PCDH15: variants seen among roughly 807,000 people sequenced by gnomAD.
The protein encoded by PCDH15 is protocadherin related 15.
A neutral mutation model predicts 178.5 loss-of-function variants in PCDH15; 129 were observed. The ratio of observed to expected loss-of-function variants is 0.72; its 90% CI spans 0.63 to 0.84. The LOEUF (loss-of-function observed/expected upper bound fraction) is 0.84. PCDH15 is among the 40% of genes least tolerant of loss of function. The pLI, the probability that PCDH15 is intolerant of heterozygous loss-of-function variation, is 0.00. For synonymous variants in PCDH15, 800 were observed against 732.0 expected, an observed-to-expected ratio of 1.09 and a Z score of -1.50; for missense variants, 2,230 against 2,099.9, an observed-to-expected ratio of 1.06 and a Z score of -1.21.
intron 2 of PCDH15, chr10:54,606,873 C>T (rs2092762968): frequency 6.6e-6 from 1 of 152,104 alleles, no homozygotes; most frequent in African/African-American, 2.4e-5. Flanking sequence ...GAATTCCTAA[C>T]AGAAGGATGA....
chr10:55,387,858 C>T (rs1237972410), intron 2 of PCDH15, among the ~76,000 whole-genome samples: 1 of 151,740 alleles, frequency 6.6e-6, no homozygotes, highest in East Asian at 1.9e-4. Context: ...TTTTTTAATA[C>T]GGAGAGCTTT....
At chr10:54,329,552 T>C (rs749557631) in intron 7 of PCDH15, 44 bp downstream of exon 7, 1 of 1,421,612 alleles carries the variant, frequency 7.0e-7, no homozygotes, top group South Asian at 1.1e-5. Flanking sequence ...AGTTTTTTAC[T>C]TCATAAATTC....
rs966754984 is a variant in PCDH15, at chr10:53,804,780, A to G, written c.*1799T>C. ...AACCATTGCTTTGGTGCCTGAAGGA[A>G]TAAGCCCCGGACTTCATTGCTTCCA... On this transcript the variant is annotated 3_prime_UTR_variant, in exon 38 of 38. Coordinates refer to ENST00000644397, the MANE Select transcript of PCDH15 (RefSeq NM_001384140.1). 5 of 152,028 alleles carry G rather than the reference A, an allele frequency of 3.3e-5. No individual in the cohort carries two copies. The highest frequency in any genetic ancestry group is 5.9e-5 in the Non-Finnish European group (4 of 67,934). 9.4% of individuals were successfully genotyped at this position (152,028 alleles called of 1,614,324 possible). A position where few individuals can be genotyped will look rare whatever the true frequency, so the allele number is the denominator to read the frequency against.
chr10:54,512,359 TTGTGTGTGTGTG>T (rs200575121), intron 3 of PCDH15, among the ~76,000 whole-genome samples: 137 of 134,126 alleles, frequency 1.0e-3, no homozygotes, highest in South Asian at 1.8e-3. Context: ...ATTTCTGGCA[TTGTGTGTGTGTG>T]TGTGTGTGTG....
In PCDH15 at chr10:53,806,906, T is replaced by G. The variant is rs2132352976; in HGVS notation, c.4896A>C (p.Gly1632=). 1.2e-6 allele frequency: 2 copies of G among 1,613,820 alleles called. No homozygotes were observed. Among genetic ancestry groups the G allele is most frequent in the East Asian group, 4.5e-5 (2 of 44,872 alleles). ...NLKVASPVRL[G]GPFKKLDKLA... ...ACTTGTCTAGTTTCTTAAAGGGCCC[T>G]CCCAGTCGAACAGGGGAAGCAACTT... is the stretch of plus-strand genomic sequence containing the variant. The change falls in exon 38 of 38, where the codon GGA becomes GGC. Residue 1632 remains glycine (G), a synonymous_variant. Coordinates refer to ENST00000644397, the MANE Select transcript of PCDH15 (RefSeq NM_001384140.1).
chr10:53,982,856 G>A (rs1375894773), intron 21 of PCDH15, among the ~76,000 whole-genome samples: 1 of 151,624 alleles, frequency 6.6e-6, no homozygotes, highest in African/African-American at 2.4e-5. Context: ...AAATATAATG[G>A]ACTAAAATAA....
At chr10:55,293,631 T>C (rs958518644) in intron 1 of PCDH15, among the ~76,000 whole-genome samples, 8 of 152,280 alleles carry the variant, frequency 5.3e-5, no homozygotes, top group Admixed American at 3.3e-4. Context: ...CTCTCTCAGG[T>C]TCAAAGTTCC....
intron 3 of PCDH15, among the ~76,000 whole-genome samples, chr10:54,816,319 G>T (rs1591717765): frequency 6.6e-6 from 1 of 152,024 alleles, no homozygotes; most frequent in Admixed American, 6.6e-5. Context: ...CAGAAAATTG[G>T]TAATGGATAT....
chr10:54,349,646 T>G (rs1943863366), intron 5 of PCDH15, among the ~76,000 whole-genome samples: 1 of 151,616 alleles, frequency 6.6e-6, no homozygotes, highest in Non-Finnish European at 1.5e-5. Context: ...GTTTAATATG[T>G]AGTCCTTTAA....
At chr10:53,848,306 T>C (rs1031724055) in intron 28 of PCDH15, among the ~76,000 whole-genome samples, 6 of 151,886 alleles carry the variant, frequency 4.0e-5, no homozygotes, top group African/African-American at 1.4e-4. Flanking sequence ...ATGTCCACTA[T>C]GTATTTTAGA....
intron 1 of PCDH15, among the ~76,000 whole-genome samples, chr10:55,237,657 A>T (rs1338483856): frequency 6.6e-6 from 1 of 152,172 alleles, no homozygotes; most frequent in Non-Finnish European, 1.5e-5. Flanking sequence ...AACATCAAAC[A>T]GGAACTATTA....
intron 1 of PCDH15, among the ~76,000 whole-genome samples, chr10:55,210,049 G>A (rs1459010303): frequency 1.3e-5 from 2 of 151,782 alleles, no homozygotes; most frequent in Non-Finnish European, 2.9e-5. Context: ...AACCAGGAAA[G>A]CTATCATAGA....
intron 2 of PCDH15, among the ~76,000 whole-genome samples, chr10:54,639,861 A>G (rs2093951679): frequency 6.6e-6 from 1 of 152,176 alleles, no homozygotes; most frequent in Admixed American, 6.6e-5. Context: ...TTAACAAAAA[A>G]GACTAATGAA....
chr10:54,573,272 G>A (rs2090055018), intron 2 of PCDH15, among the ~76,000 whole-genome samples: 1 of 151,946 alleles, frequency 6.6e-6, no homozygotes, highest in African/African-American at 2.4e-5. Flanking sequence ...AATATGTCTT[G>A]TTTCTCCTTT....
Position 54,409,671 on chromosome 10 carries a change from T to C in PCDH15, c.158-30729A>G, listed in dbSNP as rs189408406. 2.6e-5 allele frequency among the ~76,000 whole-genome samples: 4 copies of C among 152,300 alleles called. No individual in the cohort carries two copies. In the East Asian group the frequency reaches 7.7e-4, roughly 29 times the overall value. On this transcript the variant is annotated intron_variant, in intron 3 of 37. Coordinates refer to ENST00000644397, the MANE Select transcript of PCDH15 (RefSeq NM_001384140.1). ...ATCTTCTCATCTGTTATGACTTGCA[T>C]GTACCCCCCAAATTTTGTGTATTGG...
intron 2 of PCDH15, among the ~76,000 whole-genome samples, chr10:54,907,121 A>G (rs757354980): frequency 3.2e-4 from 48 of 152,150 alleles, no homozygotes; most frequent in Non-Finnish European, 5.3e-4. Context: ...ATGAGTGTAT[A>G]TTGGTAGGTC....
In PCDH15 at chr10:53,807,144, C is replaced by A. The variant is rs1564507991; in HGVS notation, c.4672-14G>T. ...TTTTCTTGCCCACTGATAAAATAAA[C>A]AAAAATATGTGAGTCACTATCAAAT... On this transcript the variant is annotated splice_polypyrimidine_tract_variant and intron_variant, in intron 37 of 37. Transcript: ENST00000644397. The A allele has an allele frequency of 1.3e-6, 2 of 1,560,766 alleles. No individual in the cohort carries two copies. The highest frequency in any genetic ancestry group is 8.7e-7 in the Non-Finnish European group (1 of 1,155,664).
chr10:54,421,796 T>C lies in PCDH15; in HGVS notation c.158-42854A>G, dbSNP rs1289218617. Among the ~76,000 whole-genome samples, 3 of 137,942 alleles carry C rather than the reference T, an allele frequency of 2.2e-5. No homozygotes were observed. In the East Asian group the frequency reaches 6.0e-4, roughly 28 times the overall value. The allele number at this position is 137,942 out of a possible 152,430, so 90.5% of individuals were successfully genotyped here. ...GTTTGTGTTAGGGCCTACATTTATA[T>C]AGGTACATGTGTAGTGTGTGTATAT... On this transcript the variant is annotated intron_variant, in intron 3 of 37. Coordinates refer to ENST00000644397, the MANE Select transcript of PCDH15 (RefSeq NM_001384140.1).
chr10:55,119,979 G>GT (rs369317292), intron 2 of PCDH15, among the ~76,000 whole-genome samples: 2,089 of 146,678 alleles, frequency 0.014, 33 homozygotes, highest in African/African-American at 0.041. Context: ...TGTCTTAAAT[G>GT]TTTTTTTTTT....
Sources: gnomAD v4.1 joint callset for allele counts (sites outside exome capture counted in the v4.1 genomes callset) on GRCh38, gnomAD v4.1.1 for gene constraint, MANE v1.5 for transcripts, NCBI Gene and HGNC (gene_info 2026-07-23, HGNC 2026-07-21) for gene names.